The following SACS variants were observed in gnomAD, a reference collection of about 807,000 sequenced individuals.
SACS encodes sacsin.
Under a neutral mutation model 348.0 loss-of-function variants are expected in SACS, and 197 were observed. The observed-to-expected ratio is 0.57, with a 90% CI of 0.50 to 0.64. The LOEUF is 0.64. SACS is among the 30% of genes least tolerant of loss of function. The probability of loss-of-function intolerance (pLI) is 0.00; values close to 1 mark genes in which losing one functional copy is unlikely to be tolerated. For synonymous variants in SACS, 1,985 were observed against 1,910.6 expected (o/e 1.04, Z -1.02); for missense variants, 4,999 against 5,360.8 (o/e 0.93, Z 2.11).
rs370248518 is a variant in SACS, at chr13:23,340,210, A to C, written c.3666T>G (p.Ser1222Arg). 7 of 1,610,944 alleles carry C rather than the reference A, an allele frequency of 4.3e-6. No individual in the cohort carries two copies. The highest frequency in any genetic ancestry group is 5.9e-6 in the Non-Finnish European group (7 of 1,178,264). ...ALGIFTKPSL[S>R]AVLKHFKIVV... The stretch of plus-strand genomic sequence containing the variant: ...CAATTTTAAAGTGTTTTAAGACAGC[A>C]CTAAGGCTAGGTTTTGTGAAGATCC... The change falls in exon 10 of 10, where the codon AGT becomes AGG. Residue 1222 changes from serine to arginine, a missense_variant. Around this residue, in one of 6 missense-constraint regions of SACS, gnomAD observed 3,156 missense variants for 3,380.1 expected, o/e 0.93. Transcript: ENST00000382292.
In SACS at chr13:23,354,608, C is replaced by A. The variant is rs767195663; in HGVS notation, c.2004G>T (p.Leu668=). 16 of 1,614,172 alleles carry A rather than the reference C, an allele frequency of 9.9e-6. No homozygotes were observed. Among genetic ancestry groups the A allele is most frequent in the Non-Finnish European group, 1.4e-5 (16 of 1,180,016 alleles). ...QAYSELLGLE[L]LPLQNGNFVP... is the part of the protein sequence containing the mutation. ...CAAAATTGCCATTTTGTAAAGGGAG[C>A]AGCTCCAGCCCAAGCAGCTCACTGT... Residue 668 remains leucine, a synonymous_variant, in exon 8 of 10, where the codon CTG becomes CTT. Coordinates refer to ENST00000382292, the MANE Select transcript of SACS (RefSeq NM_014363.6).
At chr13:23,382,394 G>T (rs1447897338) in intron 2 of SACS, among the ~76,000 whole-genome samples, 2 of 152,112 alleles carry the variant, frequency 1.3e-5, no homozygotes, top group African/African-American at 2.4e-5. Flanking sequence ...GATTTTATAT[G>T]ATTACAATTG....
At chr13:23,375,454 G>T (rs1027875741) in intron 2 of SACS, 185 bp from the exon 3 acceptor site, 1 of 1,176,862 alleles carries the variant, frequency 8.5e-7, no homozygotes, top group African/African-American at 1.6e-5. Context: ...GCGCGGGCCG[G>T]GAGGGCGGGA....
At position 23,336,775 on chromosome 13, in the gene SACS, C is replaced by T. The variant is rs764702321; in HGVS notation, c.7101G>A (p.Ala2367=). ...EKVSFHLNFE[A]APYLYQLPNK... is the part of the protein sequence containing the mutation. Reference sequence around the variant, plus strand: ...TAGGCAACTGATAAAGGTATGGTGCCGCCTCAAAATTTAAATGAAAAGAAA... The same window carrying T: ...TAGGCAACTGATAAAGGTATGGTGCTGCCTCAAAATTTAAATGAAAAGAAA... The change falls in exon 10 of 10, where the codon GCG becomes GCA. Residue 2367 remains alanine, a synonymous_variant. Coordinates refer to ENST00000382292, the MANE Select transcript of SACS (RefSeq NM_014363.6). 25 of 1,613,622 alleles carry T rather than the reference C, an allele frequency of 1.5e-5. No homozygotes were observed. Among genetic ancestry groups the T allele is most frequent in the East Asian group, 8.9e-5 (4 of 44,882 alleles).
intron 6 of SACS, among the ~76,000 whole-genome samples, chr13:23,362,055 T>G (rs1392712938): frequency 3.9e-5 from 6 of 152,218 alleles, no homozygotes; most frequent in Non-Finnish European, 8.8e-5. Flanking sequence ...ATTTATATAT[T>G]TAAGAGGCAT....
intron 9 of SACS, among the ~76,000 whole-genome samples, chr13:23,352,120 C>G (rs1262999136): frequency 2.0e-5 from 3 of 152,204 alleles, no homozygotes; most frequent in Admixed American, 2.0e-4. Flanking sequence ...CTCTGCTGAC[C>G]TTCTACCCTT....
chr13:23,405,436 C>T (rs1166085155), intron 2 of SACS, among the ~76,000 whole-genome samples: 1 of 152,074 alleles, frequency 6.6e-6, no homozygotes, highest in Non-Finnish European at 1.5e-5. Context: ...AAATGTAAGC[C>T]CTAAAACCAT....
intron 2 of SACS, among the ~76,000 whole-genome samples, chr13:23,393,279 C>CATGG (rs1349191143): frequency 4.6e-5 from 7 of 152,176 alleles, no homozygotes; most frequent in African/African-American, 1.7e-4. Context: ...AGTTTGGAGC[C>CATGG]ATGGAGATAT....
At position 23,334,270 on chromosome 13, in the gene SACS, G is replaced by A; in HGVS notation, c.9606C>T (p.Asn3202=). Residue 3202 remains asparagine (N), a synonymous_variant, in exon 10 of 10, where the codon AAC becomes AAT. Coordinates refer to ENST00000382292, the MANE Select transcript of SACS (RefSeq NM_014363.6). ...TGTCAAACACTTTTGCAACTTTACA[G>A]TTCAATAAAATATTACTATATTTCA... ...LYLKYSNILL[N]CKVAKVFDIS... is the part of the protein sequence containing the mutation. The A allele has an allele frequency of 6.2e-7, 1 of 1,608,412 alleles. No homozygotes were observed. The highest frequency in any genetic ancestry group is 8.5e-7 in the Non-Finnish European group (1 of 1,176,966).
chr13:23,373,824 A>AGCAGTCGG (rs1361574316), intron 3 of SACS: 1 of 152,996 alleles, frequency 6.5e-6, no homozygotes, highest in African/African-American at 2.4e-5. Context: ...AAGGAAAAAA[A>AGCAGTCGG]GCAGTCGGGG....
chr13:23,429,180 T>C (rs1874317003), intron 1 of SACS, among the ~76,000 whole-genome samples: 1 of 152,064 alleles, frequency 6.6e-6, no homozygotes, highest in African/African-American at 2.4e-5. Flanking sequence ...TTAAGTGTCA[T>C]TTCAGAATAC....
At chr13:23,381,287 C>A (rs1872042279) in intron 2 of SACS, among the ~76,000 whole-genome samples, 1 of 151,458 alleles carries the variant, frequency 6.6e-6, no homozygotes, top group Admixed American at 6.6e-5. Context: ...TCTCTTCAGG[C>A]CTGTCACTGT....
chr13:23,410,749 A>C (rs544680678), intron 2 of SACS, among the ~76,000 whole-genome samples: 3 of 152,190 alleles, frequency 2.0e-5, no homozygotes, highest in Non-Finnish European at 4.4e-5. Context: ...ATAGCAACTA[A>C]ATTTGAGAAA....
At chr13:23,384,376 C>A (rs999116127) in intron 2 of SACS, among the ~76,000 whole-genome samples, 3 of 152,184 alleles carry the variant, frequency 2.0e-5, no homozygotes, top group Admixed American at 1.3e-4. Context: ...TCATTCACTG[C>A]CAAATAAGCG....
intron 1 of SACS, among the ~76,000 whole-genome samples, chr13:23,424,525 C>CA (rs36055133): frequency 0.023 from 2,123 of 91,678 alleles, 55 homozygotes; most frequent in African/African-American, 0.067. Flanking sequence ...AACTCTGTCT[C>CA]AAAAAAAAAA....
In SACS at chr13:23,335,027, T is replaced by G. The variant is rs1405652626; in HGVS notation, c.8849A>C (p.His2950Pro). Residue 2950 changes from histidine to proline, a missense_variant, in exon 10 of 10, where the codon CAT becomes CCT. Transcript: ENST00000382292. This position sits in a 1 kb window ranked among gnomAD's most constrained non-coding sequence, Gnocchi z 4.7. The part of the protein sequence containing the change: ...TLSVLQNTPI[H>P]VVKDTLKKFL... Reference sequence around the variant, plus strand: ...CTTCTTTAAAGTGTCCTTTACAACATGAATAGGGGTGTTCTGTAACACTGA... The same window carrying G: ...CTTCTTTAAAGTGTCCTTTACAACAGGAATAGGGGTGTTCTGTAACACTGA... 1 of 1,613,058 alleles carries G rather than the reference T, an allele frequency of 6.2e-7. No homozygotes were observed. Among genetic ancestry groups the G allele is most frequent in the East Asian group, 2.2e-5 (1 of 44,888 alleles).
At chr13:23,373,797 CA>C (rs35129279) in intron 3 of SACS, 38 of 121,126 alleles carry the variant, frequency 3.1e-4, no homozygotes, top group Non-Finnish European at 3.1e-4. Context: ...CTCCGTCTCA[CA>C]AAAAAAAAAA....
At chr13:23,348,004 T>G (rs950523031) in intron 9 of SACS, among the ~76,000 whole-genome samples, 6 of 152,194 alleles carry the variant, frequency 3.9e-5, no homozygotes, top group Non-Finnish European at 2.9e-5. Context: ...TAAATAAGTA[T>G]GAAAATTTTA....
intron 4 of SACS, among the ~76,000 whole-genome samples, chr13:23,368,960 A>G (rs891027320): frequency 1.3e-5 from 2 of 152,166 alleles, no homozygotes; most frequent in Non-Finnish European, 2.9e-5. Context: ...TGGCCTCCCA[A>G]AGTGCTGGGA....
Sources: allele counts gnomAD v4.1 joint callset (sites outside exome capture counted in the v4.1 genomes callset), GRCh38; gene constraint gnomAD v4.1.1; regional missense constraint gnomAD v4.1.1; non-coding constraint Gnocchi (gnomAD v3.1); transcripts MANE v1.5; gene names NCBI Gene and HGNC (gene_info 2026-07-23, HGNC 2026-07-21).